Variants in NOL10 observed in about 807,000 individuals in gnomAD.
NOL10 encodes H_NH0074G24.1.
In NOL10, 58 loss-of-function variants were observed where a neutral mutation model predicts 103.5. The observed-to-expected ratio is 0.56, with a 90% CI of 0.45 to 0.70. The LOEUF (loss-of-function observed/expected upper bound fraction) is 0.70. NOL10 is among the 30% of genes least tolerant of loss of function. The pLI, the probability that NOL10 is intolerant of heterozygous loss-of-function variation, is 0.00. For synonymous variants in NOL10, 287 were observed against 282.5 expected (o/e 1.02, Z -0.16); for missense variants, 763 against 807.3 (o/e 0.95, Z 0.67).
chr2:10,663,133 G>C, intron 8 of NOL10, 89 bp from the exon 9 acceptor site: 1 of 965,400 alleles, frequency 1.0e-6, no homozygotes, highest in Non-Finnish European at 1.6e-6. Flanking sequence ...TTGGGAGGCC[G>C]AGGCGGGCTG....
chr2:10,599,674 A>G (rs7600495), intron 17 of NOL10, among the ~76,000 whole-genome samples: 89,975 of 152,070 alleles, frequency 0.59, 27,635 homozygotes, highest in African/African-American at 0.74. Flanking sequence ...ATATACTAAA[A>G]GAATGTAATA....
rs60790608 is a variant in NOL10, at chr2:10,592,028, C to A, written c.1423-2277G>T. Among the ~76,000 whole-genome samples the A allele has an allele frequency of 7.5e-3, 1,111 of 148,166 alleles. 15 individuals are homozygous for A. The highest frequency in any genetic ancestry group is 0.023 in the South Asian group (110 of 4,682). On this transcript the variant is annotated intron_variant, in intron 17 of 20. Transcript: ENST00000381685. The stretch of plus-strand genomic sequence containing the variant: ...CAAACAAACAAACAAACAAACAAAC[C>A]AACCCAAAATTGTGCTTCAAAAGTC...
chr2:10,609,862 G>C (rs140560352), intron 13 of NOL10, among the ~76,000 whole-genome samples: 261 of 152,280 alleles, frequency 1.7e-3, no homozygotes, highest in Non-Finnish European at 3.3e-3. Context: ...CCTCTGAGGA[G>C]AGACATCTGT....
At chr2:10,671,227 C>T (rs543115425) in intron 6 of NOL10, among the ~76,000 whole-genome samples, 1 of 152,220 alleles carries the variant, frequency 6.6e-6, no homozygotes, top group South Asian at 2.1e-4. Context: ...CCGGGCTAAA[C>T]TGAAAAGGCT....
At chr2:10,631,028 G>A (rs1677808110) in intron 13 of NOL10, among the ~76,000 whole-genome samples, 2 of 152,122 alleles carry the variant, frequency 1.3e-5, no homozygotes, top group Non-Finnish European at 2.9e-5. Context: ...GCAATTTCTG[G>A]CAAAATTACA....
chr2:10,650,434 G>T (rs779600285), intron 12 of NOL10, among the ~76,000 whole-genome samples: 12 of 152,248 alleles, frequency 7.9e-5, no homozygotes, highest in Non-Finnish European at 1.5e-4. Flanking sequence ...TAGGCATGAT[G>T]GGATTACAGG....
chr2:10,571,955 A>G lies in NOL10; in HGVS notation c.*116T>C. On this transcript the variant is annotated 3_prime_UTR_variant, in exon 21 of 21. Coordinates refer to ENST00000381685, the MANE Select transcript of NOL10 (RefSeq NM_024894.4). ...TTTCAAATCTTTACCTCTGTGTACA[A>G]GAACGTACATGAACTTTAAAAACGT... 4 of 1,254,082 alleles carry G rather than the reference A, an allele frequency of 3.2e-6. No homozygotes were observed. In the East Asian group the frequency reaches 7.0e-5, roughly 22 times the overall value. 77.7% of individuals were successfully genotyped at this position (1,254,082 alleles called of 1,614,324 possible).
At chr2:10,575,651 G>A (rs12692410) in intron 20 of NOL10, among the ~76,000 whole-genome samples, 84,088 of 151,922 alleles carry the variant, frequency 0.55, 25,153 homozygotes, top group Non-Finnish European at 0.7. Flanking sequence ...AGTACCTCCC[G>A]ATTTAGAAAC....
At chr2:10,672,204 G>A (rs1007133861) in intron 5 of NOL10, among the ~76,000 whole-genome samples, 1 of 152,104 alleles carries the variant, frequency 6.6e-6, no homozygotes, top group African/African-American at 2.4e-5. Flanking sequence ...GCGCATGCCT[G>A]TAATCCCAGC....
At chr2:10,583,379 G>A (rs942248300) in intron 19 of NOL10, among the ~76,000 whole-genome samples, 4 of 152,006 alleles carry the variant, frequency 2.6e-5, no homozygotes, top group South Asian at 2.1e-4. Flanking sequence ...ATACAATGAC[G>A]CTAAATCTCT....
At chr2:10,585,774 T>C (rs1174961424) in intron 19 of NOL10, among the ~76,000 whole-genome samples, 1 of 152,234 alleles carries the variant, frequency 6.6e-6, no homozygotes, top group Non-Finnish European at 1.5e-5. Flanking sequence ...AGATTACTTA[T>C]AATACCTAAT....
At chr2:10,607,161 A>C in intron 14 of NOL10, 24 bp downstream of exon 14, 1 of 1,476,808 alleles carries the variant, frequency 6.8e-7, no homozygotes. Context: ...ATTACATAAT[A>C]TTTCATCACA....
chr2:10,592,720 AT>A (rs1006788360), intron 17 of NOL10, among the ~76,000 whole-genome samples: 17 of 152,154 alleles, frequency 1.1e-4, no homozygotes, highest in Non-Finnish European at 2.4e-4. Context: ...TGGTATTAAG[AT>A]TTTTTTCTTA....
At chr2:10,652,969 G>A (rs2148301855) in intron 12 of NOL10, among the ~76,000 whole-genome samples, 1 of 152,222 alleles carries the variant, frequency 6.6e-6, no homozygotes, top group East Asian at 1.9e-4. Flanking sequence ...GTGGAGGCAG[G>A]CGGATCACTT....
At chr2:10,659,065 A>G in intron 10 of NOL10, 107 bp downstream of exon 10, 1 of 780,152 alleles carries the variant, frequency 1.3e-6, no homozygotes, top group Non-Finnish European at 2.2e-6. Flanking sequence ...TGGTCTGGCT[A>G]AAATAGTATG....
Position 10,589,058 on chromosome 2 carries a change from T to G in NOL10, c.1829A>C (p.Lys610Thr). The change falls in exon 19 of 21, where the codon AAG becomes ACG. Residue 610 changes from lysine (K) to threonine (T), a missense_variant. Transcript: ENST00000381685. ...TGCTACTCACTTCATCAGTTTCTGC[T>G]TTGTGGCAGAATCTTTGAAGCTTCT... is the stretch of plus-strand genomic sequence containing the variant. ...EFRSFKDSATKQKLMNKTLED... is the reference protein window; with the variant it reads ...EFRSFKDSATTQKLMNKTLED... The G allele has an allele frequency of 6.2e-7, 1 of 1,613,972 alleles. No individual in the cohort carries two copies. Among genetic ancestry groups the G allele is most frequent in the South Asian group, 1.1e-5 (1 of 91,082 alleles).
At chr2:10,626,022 T>A (rs78381904) in intron 13 of NOL10, among the ~76,000 whole-genome samples, 39 of 127,202 alleles carry the variant, frequency 3.1e-4, no homozygotes, top group Admixed American at 7.7e-4. Context: ...AAAAAAAAAA[T>A]TTTTTTTTAA....
intron 11 of NOL10, among the ~76,000 whole-genome samples, chr2:10,655,506 T>G (rs1012800518): frequency 2.6e-5 from 4 of 152,142 alleles, no homozygotes; most frequent in Non-Finnish European, 4.4e-5. Flanking sequence ...CTATTTTAAC[T>G]GTTGGGGAAA....
intron 13 of NOL10, among the ~76,000 whole-genome samples, chr2:10,634,976 G>C (rs567234599): frequency 1.8e-4 from 28 of 152,196 alleles, no homozygotes; most frequent in Non-Finnish European, 3.7e-4. Context: ...AATACAGGCT[G>C]AGTAGCCTGT....
Sources: allele counts gnomAD v4.1 joint callset (sites outside exome capture counted in the v4.1 genomes callset), GRCh38; gene constraint gnomAD v4.1.1; transcripts MANE v1.5; gene names NCBI Gene and HGNC (gene_info 2026-07-23, HGNC 2026-07-21).